The following KIAA0930 variants were observed in gnomAD, a reference collection of about 807,000 sequenced individuals.
The protein encoded by KIAA0930 is uncharacterized protein KIAA0930.
In KIAA0930, 24 loss-of-function variants were observed where a neutral mutation model predicts 43.9. The observed-to-expected ratio is 0.55, with a 90% CI of 0.40 to 0.77. KIAA0930 has a LOEUF of 0.77. KIAA0930 is among the 30% of genes least tolerant of loss of function. The pLI, the probability that KIAA0930 is intolerant of heterozygous loss-of-function variation, is 0.00. For synonymous variants in KIAA0930, 259 were observed against 216.4 expected (o/e 1.20, Z -1.73); for missense variants, 461 against 574.2 (o/e 0.80, Z 2.02).
At chr22:45,237,611 G>A (rs1253951534) in intron 1 of KIAA0930, among the ~76,000 whole-genome samples, 2 of 152,178 alleles carry the variant, frequency 1.3e-5, no homozygotes, top group African/African-American at 4.8e-5. Flanking sequence ...TCAAAACAAC[G>A]TCAGAGGACA....
chr22:45,233,312 T>C (rs1188207014), intron 1 of KIAA0930, among the ~76,000 whole-genome samples: 2 of 152,134 alleles, frequency 1.3e-5, no homozygotes, highest in African/African-American at 2.4e-5. Flanking sequence ...CACGGTGTGG[T>C]ACAGGGTGGG....
At chr22:45,218,235 G>A (rs2083745458) in intron 1 of KIAA0930, among the ~76,000 whole-genome samples, 2 of 151,590 alleles carry the variant, frequency 1.3e-5, no homozygotes, top group African/African-American at 4.9e-5. Flanking sequence ...TCGGCTCACT[G>A]CAACCTCAGC....
chr22:45,203,733 G>T, intron 6 of KIAA0930, 112 bp downstream of exon 6: 1 of 1,242,936 alleles, frequency 8.0e-7, no homozygotes. Context: ...ACCCCTGGCG[G>T]CCGCTACCAT....
chr22:45,230,882 G>C (rs2147765257), intron 1 of KIAA0930, among the ~76,000 whole-genome samples: 1 of 150,992 alleles, frequency 6.6e-6, no homozygotes, highest in South Asian at 2.2e-4. Context: ...GCCCAGCCCA[G>C]ATCACACTTC....
Position 45,202,999 on chromosome 22 carries a change from C to G in KIAA0930, c.843G>C (p.Met281Ile). 1 of 1,608,182 alleles carries G rather than the reference C, an allele frequency of 6.2e-7. No homozygotes were observed. Among genetic ancestry groups the G allele is most frequent in the Non-Finnish European group, 8.5e-7 (1 of 1,177,242 alleles). Residue 281 changes from methionine to isoleucine, a missense_variant, in exon 7 of 10, where the codon ATG becomes ATC. Transcript: ENST00000336156. Reference sequence around the variant, plus strand: ...GCTGTGCAGCCCTTACCCGCTCGTGCATGGGCGAAGCTGGGCTGGAGTCCT... The same window carrying G: ...GCTGTGCAGCCCTTACCCGCTCGTGGATGGGCGAAGCTGGGCTGGAGTCCT... ...TEEDSSPASP[M>I]HERVTSFSTP...
intron 7 of KIAA0930, among the ~76,000 whole-genome samples, chr22:45,202,401 G>A (rs1418234996): frequency 6.6e-6 from 1 of 152,272 alleles, no homozygotes; most frequent in East Asian, 1.9e-4. Context: ...AAGAGACCTT[G>A]TGACCTGGGG....
intron 1 of KIAA0930, among the ~76,000 whole-genome samples, chr22:45,228,486 G>A (rs1034740612): frequency 2.0e-5 from 3 of 152,292 alleles, no homozygotes; most frequent in African/African-American, 2.4e-5. Context: ...GGCAGAGATA[G>A]AGCAGCAAGC....
At chr22:45,238,864 T>G (rs1347584921) in intron 1 of KIAA0930, among the ~76,000 whole-genome samples, 2 of 149,916 alleles carry the variant, frequency 1.3e-5, no homozygotes, top group African/African-American at 5.1e-5. Flanking sequence ...TCATTGGTTG[T>G]CCCTGGGCAG....
chr22:45,201,398 A>G (rs2083587621), intron 7 of KIAA0930, among the ~76,000 whole-genome samples: 1 of 152,126 alleles, frequency 6.6e-6, no homozygotes, highest in Non-Finnish European at 1.5e-5. Context: ...CACCCCTCAC[A>G]GCCACTCCCG....
At position 45,196,679 on chromosome 22, in the gene KIAA0930, T is replaced by C. The variant is rs1460246316; in HGVS notation, c.*497A>G. The C allele has an allele frequency of 6.5e-6, 1 of 154,688 alleles. No homozygotes were observed. The allele number at this position is 154,688 out of a possible 1,614,324, so 9.6% of individuals were successfully genotyped here. A position where few individuals can be genotyped will look rare whatever the true frequency, so the allele number is the denominator to read the frequency against. The stretch of plus-strand genomic sequence containing the variant: ...GAACAAAGTGGTAAACTGGGGAGGA[T>C]GAGCTGGGACTGACTCGGGTGCTGA... On this transcript the variant is annotated 3_prime_UTR_variant, in exon 10 of 10. Coordinates refer to ENST00000336156, the MANE Select transcript of KIAA0930 (RefSeq NM_001009880.2). This position sits in a 1 kb window ranked among gnomAD's most constrained non-coding sequence, Gnocchi z 4.1.
At chr22:45,211,223 G>A in intron 2 of KIAA0930, 1 of 388,762 alleles carries the variant, frequency 2.6e-6, no homozygotes, top group East Asian at 3.7e-5. Flanking sequence ...TAGCTACACG[G>A]CCCTCTCATT....
At chr22:45,210,334 T>C (rs2083681457) in intron 2 of KIAA0930, among the ~76,000 whole-genome samples, 1 of 152,086 alleles carries the variant, frequency 6.6e-6, no homozygotes, top group African/African-American at 2.4e-5. Context: ...CCGGTTCCCA[T>C]GGGTGAGAGG....
At chr22:45,227,956 A>C (rs959325864) in intron 1 of KIAA0930, among the ~76,000 whole-genome samples, 10 of 151,950 alleles carry the variant, frequency 6.6e-5, no homozygotes, top group African/African-American at 2.4e-4. Context: ...AGAAACCTGG[A>C]ATCCTAGACC....
chr22:45,216,666 G>A (rs562723638), intron 1 of KIAA0930, among the ~76,000 whole-genome samples: 15 of 152,194 alleles, frequency 9.9e-5, no homozygotes, highest in African/African-American at 3.6e-4. Context: ...TGGGTCACAA[G>A]CCCCGGGAGC....
chr22:45,230,742 C>G (rs911159796), intron 1 of KIAA0930, among the ~76,000 whole-genome samples: 5 of 152,002 alleles, frequency 3.3e-5, no homozygotes, highest in African/African-American at 1.2e-4. Flanking sequence ...CCACCACACC[C>G]GGCTAATTTT....
intron 1 of KIAA0930, among the ~76,000 whole-genome samples, chr22:45,221,362 T>C (rs1175794048): frequency 1.3e-5 from 2 of 152,216 alleles, no homozygotes; most frequent in South Asian, 2.1e-4. Flanking sequence ...GCCATGGCGA[T>C]ATGTAAGGAA....
chr22:45,233,652 G>A (rs2083868299), intron 1 of KIAA0930, among the ~76,000 whole-genome samples: 2 of 152,150 alleles, frequency 1.3e-5, no homozygotes, highest in South Asian at 4.1e-4. Flanking sequence ...CTGCTCTCAG[G>A]ACGCTGGGAG....
chr22:45,236,688 G>A (rs966550150), intron 1 of KIAA0930, among the ~76,000 whole-genome samples: 2 of 152,088 alleles, frequency 1.3e-5, no homozygotes, highest in Admixed American at 6.5e-5. Flanking sequence ...AGCAAGATTC[G>A]GCCACTTCCT....
At chr22:45,212,311 G>T in intron 1 of KIAA0930, 1 of 1,612,842 alleles carries the variant, frequency 6.2e-7, no homozygotes. Context: ...AGGAGGCCCA[G>T]TTCCTCCACT....
Sources: allele counts gnomAD v4.1 joint callset (sites outside exome capture counted in the v4.1 genomes callset), GRCh38; gene constraint gnomAD v4.1.1; non-coding constraint Gnocchi (gnomAD v3.1); transcripts MANE v1.5; gene names NCBI Gene and HGNC (gene_info 2026-07-23, HGNC 2026-07-21).